Variants in ZNF347 observed in about 807,000 individuals in gnomAD.
The protein encoded by ZNF347 is CTD-2620I22.7.
ZNF347 carries 19 observed loss-of-function variants against 12.9 expected under a neutral mutation model. The observed-to-expected ratio is 1.47, with a 90% confidence interval of 1.03 to 2.16. The LOEUF (loss-of-function observed/expected upper bound fraction) is 2.16, where lower values mean the gene tolerates loss of function less well. ZNF347 is among the 30% of genes most tolerant of loss of function. The pLI, the probability that ZNF347 is intolerant of heterozygous loss-of-function variation, is 0.00. For missense variants in ZNF347, 1,005 were observed against 990.6 expected, an observed-to-expected ratio of 1.01 and a Z score of -0.19; for synonymous variants, 328 against 340.6, an observed-to-expected ratio of 0.96 and a Z score of 0.41.
intron 4 of ZNF347, 138 bp downstream of exon 4, chr19:53,148,543 C>A (rs974309620): frequency 9.4e-7 from 1 of 1,066,872 alleles, no homozygotes; most frequent in Non-Finnish European, 1.3e-6. Context: ...AAAGGATAGA[C>A]AAAAGGGGGC....
At position 53,141,976 on chromosome 19, in the gene ZNF347, A is replaced by AG; in HGVS notation, c.851dup (p.Lys285Ter). On this transcript the variant is annotated frameshift_variant, in exon 5 of 5. Coordinates refer to ENST00000334197, the MANE Select transcript of ZNF347 (RefSeq NM_032584.3). LOFTEE classifies it low-confidence loss of function (END_TRUNC). ...CATAACATTTGTAAGGTTTCTCTTT[A>AG]GTATGACTTCTCTGATGACTTGCAA... 6.2e-7 allele frequency: 1 copy of AG among 1,614,176 alleles called. No individual in the cohort carries two copies. Among genetic ancestry groups the AG allele is most frequent in the Non-Finnish European group, 8.5e-7 (1 of 1,180,036 alleles).
At position 53,140,677 on chromosome 19, in the gene ZNF347, G is replaced by T. The variant is rs182869372; in HGVS notation, c.2151C>A (p.Ala717=). The part of the protein sequence containing the change: ...KPYECNQCGK[A]FSVRSSLTTH... Reference sequence around the variant, plus strand: ...TAGTTAGGCTTGAACGGACACTAAAGGCTTTCCCACACTGATTACACTCAT... The same window carrying T: ...TAGTTAGGCTTGAACGGACACTAAATGCTTTCCCACACTGATTACACTCAT... The change falls in exon 5 of 5, where the codon GCC becomes GCA. Residue 717 remains alanine, a synonymous_variant. Transcript: ENST00000334197. 1.9e-6 allele frequency: 3 copies of T among 1,613,490 alleles called. No homozygotes were observed. The East Asian group carries it at 6.7e-5, about 36-fold the overall frequency.
rs1028442587 is a variant in ZNF347, at chr19:53,139,042, T to C, written c.*1266A>G. On this transcript the variant is annotated 3_prime_UTR_variant, in exon 5 of 5. Transcript: ENST00000334197. ...TCAATCTCTGCTATAAAACAGCTAT[T>C]GCCATTCAGTAGAGAAAGTGGCAAC... 1.3e-5 allele frequency: 2 copies of C among 152,190 alleles called. No individual in the cohort carries two copies. Among genetic ancestry groups the C allele is most frequent in the African/African-American group, 4.8e-5 (2 of 41,446 alleles). The allele number at this position is 152,190 out of a possible 1,614,324, so 9.4% of individuals were successfully genotyped here.
intron 1 of ZNF347, among the ~76,000 whole-genome samples, chr19:53,156,722 A>C (rs1282985519): frequency 6.6e-6 from 1 of 152,166 alleles, no homozygotes; most frequent in African/African-American, 2.4e-5. Flanking sequence ...GGGGGATGTC[A>C]AGGGAATCCC....
In ZNF347 at chr19:53,149,258, C is replaced by G; in HGVS notation, c.125G>C (p.Arg42Thr). ...ATCCTCACCCAGGGAGGCCAGGTTCCTATAATTCTCCAACATCACGTCCCT... is the reference window on the plus strand; with the variant it reads ...ATCCTCACCCAGGGAGGCCAGGTTCGTATAATTCTCCAACATCACGTCCCT... ...LYRDVMLENY[R>T]NLASLGISCF... Residue 42 changes from arginine (R) to threonine (T), a missense_variant, in exon 3 of 5, where the codon AGG becomes ACG. By Grantham distance (71) the Arg-to-Thr change is moderately conservative. Coordinates refer to ENST00000334197, the MANE Select transcript of ZNF347 (RefSeq NM_032584.3). 1 of 1,613,448 alleles carries G rather than the reference C, an allele frequency of 6.2e-7. No individual in the cohort carries two copies.
intron 2 of ZNF347, among the ~76,000 whole-genome samples, chr19:53,153,532 C>T (rs2090512306): frequency 6.6e-6 from 1 of 152,136 alleles, no homozygotes; most frequent in South Asian, 2.1e-4. Context: ...ATGCCCAGTG[C>T]AGCCTCTTCC....
rs549976852 is a variant in ZNF347 at position 53,141,809 on chromosome 19, G to C, written c.1019C>G (p.Thr340Ser). 1 of 1,614,050 alleles carries C rather than the reference G, an allele frequency of 6.2e-7. No individual in the cohort carries two copies. The highest frequency in any genetic ancestry group is 1.1e-5 in the South Asian group (1 of 91,054). ...SQLSQHQKIH[T>S]GEKPYKCNEC... ...GTTACATTTATAAGGTTTCTCTCCA[G>C]TGTGAATTTTCTGATGTTGTGAGAG... Residue 340 changes from threonine to serine, a missense_variant, in exon 5 of 5, where the codon ACT becomes AGT. Coordinates refer to ENST00000334197, the MANE Select transcript of ZNF347 (RefSeq NM_032584.3).
intron 1 of ZNF347, chr19:53,158,760 G>C (rs996367775): frequency 3.9e-5 from 6 of 152,202 alleles, no homozygotes; most frequent in Non-Finnish European, 8.8e-5. Flanking sequence ...AGCCGGGCGT[G>C]GTGGCACATG....
At chr19:53,144,440 C>T (rs1237163324) in intron 4 of ZNF347, among the ~76,000 whole-genome samples, 1 of 151,574 alleles carries the variant, frequency 6.6e-6, no homozygotes, top group Non-Finnish European at 1.5e-5. Context: ...AAGTACACAC[C>T]CAAATATGTA....
chr19:53,149,925 C>G (rs1349509276), intron 2 of ZNF347, among the ~76,000 whole-genome samples: 1 of 152,100 alleles, frequency 6.6e-6, no homozygotes, highest in Non-Finnish European at 1.5e-5. Context: ...GCTCCTTCTC[C>G]CATACCTTAC....
chr19:53,141,791 T>A lies in ZNF347; in HGVS notation c.1037A>T (p.Lys346Ile). 2.5e-6 allele frequency: 4 copies of A among 1,613,930 alleles called. No individual in the cohort carries two copies. The highest frequency in any genetic ancestry group is 3.4e-6 in the Non-Finnish European group (4 of 1,179,944). Residue 346 changes from lysine to isoleucine, a missense_variant, in exon 5 of 5, where the codon AAA becomes ATA. Transcript: ENST00000334197. ...QKIHTGEKPY[K>I]CNECGKVFTQ... ...GAAGACCTTGCCACATTCGTTACAT[T>A]TATAAGGTTTCTCTCCAGTGTGAAT...
At chr19:53,148,603 CAG>C (rs1362143273) in intron 4 of ZNF347, 76 bp downstream of exon 4, 1 of 1,490,462 alleles carries the variant, frequency 6.7e-7, no homozygotes, top group African/African-American at 1.4e-5. Context: ...TGTTTTCCCA[CAG>C]AACTCTCAGA....
In ZNF347 at chr19:53,142,359, A is replaced by G. The variant is rs770033797; in HGVS notation, c.469T>C (p.Leu157=). Residue 157 remains leucine, a synonymous_variant, in exon 5 of 5, where the codon TTG becomes CTG. Transcript: ENST00000334197. ...TGAGTGAGATTGCCTTCTTGGGTCA[A>G]AAGCACTCCTTTGTAATTTCCTTCA... ...DAEGNYKGVL[L]TQEGNLTHGR... 3.7e-6 allele frequency: 6 copies of G among 1,614,110 alleles called. No homozygotes were observed. The Admixed American group carries it at 1.0e-4, about 27-fold the overall frequency.
Position 53,141,550 on chromosome 19 carries a change from CTCTCCAGTGTGAAT to C in ZNF347, c.1264_1277del (p.Ile422GlufsTer6). On this transcript the variant is annotated frameshift_variant, in exon 5 of 5. Coordinates refer to ENST00000334197, the MANE Select transcript of ZNF347 (RefSeq NM_032584.3). LOFTEE classifies it low-confidence loss of function (END_TRUNC). Reference sequence around the variant, plus strand: ...CGCACTCATTACACTTGTAAGGTTTCTCTCCAGTGTGAATTCTCCAGTGATTTGTAAGGTGTGAA... The same window carrying C: ...CGCACTCATTACACTTGTAAGGTTTCTCTCCAGTGATTTGTAAGGTGTGAA... The C allele has an allele frequency of 6.2e-7, 1 of 1,613,976 alleles. No homozygotes were observed.
At chr19:53,151,414 T>C (rs1568642672) in intron 2 of ZNF347, among the ~76,000 whole-genome samples, 2 of 151,568 alleles carry the variant, frequency 1.3e-5, no homozygotes, top group Non-Finnish European at 2.9e-5. Context: ...GGCGGGCACC[T>C]GTAGTCTCAG....
At chr19:53,158,507 A>T (rs1007240782) in intron 1 of ZNF347, among the ~76,000 whole-genome samples, 1 of 151,592 alleles carries the variant, frequency 6.6e-6, no homozygotes, top group Non-Finnish European at 1.5e-5. Flanking sequence ...AAGGCCGGGG[A>T]CAGGGAGAAG....
Position 53,141,019 on chromosome 19 carries a change from G to C in ZNF347, c.1809C>G (p.Gly603=). The C allele has an allele frequency of 6.2e-7, 1 of 1,613,260 alleles. No individual in the cohort carries two copies. Among genetic ancestry groups the C allele is most frequent in the Non-Finnish European group, 8.5e-7 (1 of 1,179,918 alleles). ...GGTATGAATTATGCCTAAAGACCTTGCCACATTCATTACATTTATAAGGTT... is the reference window on the plus strand; with the variant it reads ...GGTATGAATTATGCCTAAAGACCTTCCCACATTCATTACATTTATAAGGTT... ...GEKPYKCNEC[G]KVFRHNSYLS... Residue 603 remains glycine, a synonymous_variant, in exon 5 of 5, where the codon GGC becomes GGG. Transcript: ENST00000334197.
chr19:53,142,507 A>C lies in ZNF347; in HGVS notation c.321T>G (p.Ser107Arg). The change falls in exon 5 of 5, where the codon AGT (serine) becomes AGG (arginine). Residue 107 changes from serine (S) to arginine (R), a missense_variant. Ser to Arg is a moderately radical substitution (Grantham distance 110). Transcript: ENST00000334197. Reference sequence around the variant, plus strand: ...CTGTTTGGAATACTTCTCCTGTATTACTCTTCCCTTTGTGTAGTAAATCTT... The same window carrying C: ...CTGTTTGGAATACTTCTCCTGTATTCCTCTTCCCTTTGTGTAGTAAATCTT... ...VMKDLLHKGK[S>R]NTGEVFQTVM... 5 of 1,611,316 alleles carry C rather than the reference A, an allele frequency of 3.1e-6. No individual in the cohort carries two copies. Among genetic ancestry groups the C allele is most frequent in the Non-Finnish European group, 4.2e-6 (5 of 1,179,090 alleles).
At position 53,142,133 on chromosome 19, in the gene ZNF347, G is replaced by C. The variant is rs776837295; in HGVS notation, c.695C>G (p.Thr232Ser). The change falls in exon 5 of 5, where the codon ACC becomes AGC. Residue 232 changes from threonine to serine, a missense_variant. By Grantham distance (58) the Thr-to-Ser change is moderately conservative (BLOSUM62 1). Transcript: ENST00000334197. ...PPQQMPYNVK[T>S]HISKKYLKDF... ...TTTGAGATATTTCTTAGAAATGTGG[G>C]TTTTGACATTATAAGGCATTTGTTG... 6.2e-7 allele frequency: 1 copy of C among 1,613,836 alleles called. No individual in the cohort carries two copies. Among genetic ancestry groups the C allele is most frequent in the Non-Finnish European group, 8.5e-7 (1 of 1,179,942 alleles).
Sources: gnomAD v4.1 joint callset for allele counts (sites outside exome capture counted in the v4.1 genomes callset) on GRCh38, gnomAD v4.1.1 for gene constraint, MANE v1.5 for transcripts, NCBI Gene and HGNC (gene_info 2026-07-23, HGNC 2026-07-21) for gene names.